Variants in CTDSPL2 observed in about 807,000 individuals in gnomAD.
The protein encoded by CTDSPL2 is CTD small phosphatase like 2.
Under a neutral mutation model 60.0 loss-of-function variants are expected in CTDSPL2, and 5 were observed. The observed-to-expected ratio is 0.08, with a 90% confidence interval of 0.04 to 0.18. CTDSPL2 has a LOEUF of 0.18. Among genes scored for constraint, CTDSPL2 ranks in the 10% least tolerant of loss-of-function variants. The pLI, the probability that CTDSPL2 is intolerant of heterozygous loss-of-function variation, is 1.00. For missense variants in CTDSPL2, 370 were observed against 548.8 expected (o/e 0.67, Z 3.26); for synonymous variants, 186 against 189.3 (o/e 0.98, Z 0.14).
intron 1 of CTDSPL2, among the ~76,000 whole-genome samples, chr15:44,435,427 G>A (rs1595690265): frequency 1.3e-5 from 2 of 151,572 alleles, no homozygotes; most frequent in Non-Finnish European, 2.9e-5. Context: ...AAAATTAGGC[G>A]GGCATGGTAG....
intron 1 of CTDSPL2, among the ~76,000 whole-genome samples, chr15:44,443,257 A>C (rs1182970156): frequency 2.0e-5 from 3 of 152,194 alleles, no homozygotes; most frequent in African/African-American, 7.2e-5. Flanking sequence ...TTTAAGGCTG[A>C]ATACTACTTA....
chr15:44,477,856 T>G (rs866796752), intron 2 of CTDSPL2, among the ~76,000 whole-genome samples: 2 of 152,072 alleles, frequency 1.3e-5, no homozygotes, highest in Non-Finnish European at 2.9e-5. Context: ...AAAAAATACT[T>G]AACACAAAGA....
rs142852703 is a variant in CTDSPL2, at chr15:44,459,276, C to G, written c.186+76C>G. ...GGCACGGTGGCTCACGCCTGTAATC[C>G]CAGCACTTTGAGAGCCCCAGGCAGG... On this transcript the variant is annotated intron_variant, in intron 2 of 12. Transcript: ENST00000260327. 644 of 1,078,014 alleles carry G rather than the reference C, an allele frequency of 6.0e-4. 7 individuals carry two copies. In the African/African-American group the frequency reaches 9.4e-3, roughly 16 times the overall value. 66.8% of individuals were successfully genotyped at this position (1,078,014 alleles called of 1,614,324 possible).
At chr15:44,433,299 C>A (rs149854344) in intron 1 of CTDSPL2, among the ~76,000 whole-genome samples, 1 of 147,124 alleles carries the variant, frequency 6.8e-6, no homozygotes. Context: ...AGTCTTCCAG[C>A]CTGGGTAACA....
Position 44,491,009 on chromosome 15 carries a change from A to G in CTDSPL2, c.691+10A>G, listed in dbSNP as rs1400662532. 2.5e-6 allele frequency: 4 copies of G among 1,603,796 alleles called. No homozygotes were observed. In the East Asian group the frequency reaches 8.9e-5, roughly 36 times the overall value. On this transcript the variant is annotated intron_variant, in intron 5 of 12. Coordinates refer to ENST00000260327, the MANE Select transcript of CTDSPL2 (RefSeq NM_016396.3). Reference sequence around the variant, plus strand: ...ATCCCACCCCTTACAGGTGAAGAAAATTTCTTTTCTTATACATCTTCATGA... The same window carrying G: ...ATCCCACCCCTTACAGGTGAAGAAAGTTTCTTTTCTTATACATCTTCATGA...
intron 1 of CTDSPL2, among the ~76,000 whole-genome samples, chr15:44,432,666 C>T (rs934689903): frequency 6.6e-6 from 1 of 152,016 alleles, no homozygotes; most frequent in Non-Finnish European, 1.5e-5. Context: ...GTCTCCCAGG[C>T]TGCAGTGCAG....
At chr15:44,523,945 A>G (rs913504078) in intron 12 of CTDSPL2, among the ~76,000 whole-genome samples, 164 bp from the exon 13 acceptor site, 11 of 152,214 alleles carry the variant, frequency 7.2e-5, no homozygotes, top group African/African-American at 2.7e-4. Flanking sequence ...ATTCTTTTCA[A>G]AATCTTAAAT....
intron 1 of CTDSPL2, among the ~76,000 whole-genome samples, chr15:44,442,777 A>G (rs1319931553): frequency 1.3e-5 from 2 of 151,998 alleles, no homozygotes. Flanking sequence ...GGAGTTTGAG[A>G]CCACCCTGGG....
intron 1 of CTDSPL2, among the ~76,000 whole-genome samples, chr15:44,441,602 C>A (rs2080087378): frequency 6.6e-6 from 1 of 152,270 alleles, no homozygotes; most frequent in South Asian, 2.1e-4. Context: ...ATTGTTTCTT[C>A]CCGTGGTCTA....
intron 4 of CTDSPL2, among the ~76,000 whole-genome samples, chr15:44,488,945 A>G (rs188843071): frequency 1.3e-5 from 2 of 152,282 alleles, no homozygotes; most frequent in Non-Finnish European, 2.9e-5. Context: ...TCTGGGGAAG[A>G]AGGAGTTGAA....
intron 1 of CTDSPL2, among the ~76,000 whole-genome samples, chr15:44,451,653 A>G (rs2080336909): frequency 6.6e-6 from 1 of 152,006 alleles, no homozygotes; most frequent in Non-Finnish European, 1.5e-5. Flanking sequence ...TTTTTTGTTG[A>G]AAACTGGCCA....
chr15:44,469,955 G>A lies in CTDSPL2; in HGVS notation c.186+10755G>A, dbSNP rs188165265. On this transcript the variant is annotated intron_variant, in intron 2 of 12. Transcript: ENST00000260327. ...TACTGAAAATACAAAAAAATTAGCC[G>A]GGTGTGGTGGCAGGCACCTGTGGTC... Among the ~76,000 whole-genome samples, 32 of 151,988 alleles carry A rather than the reference G, an allele frequency of 2.1e-4. No homozygotes were observed. In the East Asian group the frequency reaches 5.2e-3, roughly 25 times the overall value.
chr15:44,446,498 C>T (rs1396730618), intron 1 of CTDSPL2, among the ~76,000 whole-genome samples: 1 of 151,934 alleles, frequency 6.6e-6, no homozygotes, highest in Non-Finnish European at 1.5e-5. Context: ...GGTGTGGTGG[C>T]ATGCGCCTGT....
chr15:44,528,363 G>C lies in CTDSPL2; in HGVS notation c.*4189G>C, dbSNP rs947759471. On this transcript the variant is annotated 3_prime_UTR_variant, in exon 13 of 13. Coordinates refer to ENST00000260327, the MANE Select transcript of CTDSPL2 (RefSeq NM_016396.3). The stretch of plus-strand genomic sequence containing the variant: ...TTTTTTTTTTTGTTTGGTTGGTTTT[G>C]TTTTGTTTTGTTTTGTTTTTTCTTT... 2 of 149,392 alleles carry C rather than the reference G, an allele frequency of 1.3e-5. No individual in the cohort carries two copies. Among genetic ancestry groups the C allele is most frequent in the African/African-American group, 5.1e-5 (2 of 39,562 alleles). 9.3% of individuals were successfully genotyped at this position (149,392 alleles called of 1,614,324 possible).
At chr15:44,471,012 A>G (rs920469933) in intron 2 of CTDSPL2, among the ~76,000 whole-genome samples, 2 of 152,194 alleles carry the variant, frequency 1.3e-5, no homozygotes, top group Admixed American at 1.3e-4. Context: ...ATTTATGCAC[A>G]TGACCAAAAA....
At chr15:44,462,653 G>A (rs933889238) in intron 2 of CTDSPL2, among the ~76,000 whole-genome samples, 3 of 148,662 alleles carry the variant, frequency 2.0e-5, no homozygotes, top group Admixed American at 1.3e-4. Flanking sequence ...GACTGGTACC[G>A]TTCCATGGCC....
chr15:44,446,148 A>T (rs923294119), intron 1 of CTDSPL2, among the ~76,000 whole-genome samples: 12 of 149,770 alleles, frequency 8.0e-5, no homozygotes, highest in Non-Finnish European at 1.5e-4. Flanking sequence ...CAGTTCTCGA[A>T]CTCCTGACCT....
intron 1 of CTDSPL2, among the ~76,000 whole-genome samples, chr15:44,447,069 C>A (rs1308118879): frequency 6.6e-6 from 1 of 152,072 alleles, no homozygotes; most frequent in Non-Finnish European, 1.5e-5. Flanking sequence ...TTTCACATTG[C>A]AAGTTATTTA....
intron 8 of CTDSPL2, chr15:44,501,841 T>C (rs1567096371): frequency 2.9e-6 from 1 of 345,984 alleles, no homozygotes; most frequent in Non-Finnish European, 5.6e-6. Flanking sequence ...GGATTTCTTA[T>C]TTTGGCATAG....
Sources: allele counts gnomAD v4.1 joint callset (sites outside exome capture counted in the v4.1 genomes callset), GRCh38; gene constraint gnomAD v4.1.1; transcripts MANE v1.5; gene names NCBI Gene and HGNC (gene_info 2026-07-23, HGNC 2026-07-21).